SLC8A1: variants seen among roughly 807,000 people sequenced by gnomAD.
The protein encoded by SLC8A1 is solute carrier family 8 member A1.
SLC8A1 carries 18 observed loss-of-function variants against 68.3 expected under a neutral mutation model. The observed-to-expected ratio is 0.26, with a 90% CI of 0.18 to 0.39. The LOEUF (loss-of-function observed/expected upper bound fraction) is 0.39, where lower values mean the gene tolerates loss of function less well. SLC8A1 is among the 10% of genes least tolerant of loss of function. The probability of loss-of-function intolerance (pLI) is 1.00; values close to 1 mark genes in which losing one functional copy is unlikely to be tolerated. For synonymous variants in SLC8A1, 475 were observed against 415.5 expected (o/e 1.14, Z -1.74); for missense variants, 985 against 1,156.7 (o/e 0.85, Z 2.15).
chr2:40,218,152 C>G (rs2057773402), intron 2 of SLC8A1, among the ~76,000 whole-genome samples: 1 of 152,140 alleles, frequency 6.6e-6, no homozygotes. Context: ...AAAGTTTCAG[C>G]TAAGAATGAA....
chr2:40,342,720 A>C (rs1189198455), intron 2 of SLC8A1, among the ~76,000 whole-genome samples: 1 of 152,208 alleles, frequency 6.6e-6, no homozygotes, highest in Non-Finnish European at 1.5e-5. Flanking sequence ...ACGATACTAA[A>C]GTCTCACACA....
At chr2:40,249,046 A>G (rs1461771451) in intron 2 of SLC8A1, among the ~76,000 whole-genome samples, 1 of 152,158 alleles carries the variant, frequency 6.6e-6, no homozygotes, top group Non-Finnish European at 1.5e-5. Context: ...CAGCTTGCCA[A>G]CTGTCCCTGG....
intron 1 of SLC8A1, among the ~76,000 whole-genome samples, chr2:40,505,046 G>C (rs180701290): frequency 6.6e-6 from 1 of 151,906 alleles, no homozygotes; most frequent in East Asian, 1.9e-4. Context: ...CCTAAGATTT[G>C]GAAGCTCCCT....
chr2:40,325,282 C>T (rs762609308), intron 2 of SLC8A1, among the ~76,000 whole-genome samples: 6 of 152,110 alleles, frequency 3.9e-5, no homozygotes, highest in Non-Finnish European at 7.4e-5. Flanking sequence ...AAATACTTGA[C>T]CTTTTGAGGT....
intron 4 of SLC8A1, among the ~76,000 whole-genome samples, chr2:40,173,329 A>G (rs1247164991): frequency 6.6e-6 from 1 of 152,238 alleles, no homozygotes; most frequent in Non-Finnish European, 1.5e-5. Flanking sequence ...GATTTAAAAA[A>G]TAACCTTTAG....
At chr2:40,409,077 C>T (rs780876217) in intron 2 of SLC8A1, among the ~76,000 whole-genome samples, 25 of 152,120 alleles carry the variant, frequency 1.6e-4, no homozygotes, top group Non-Finnish European at 3.1e-4. Context: ...CAAGACAGAC[C>T]TGTAAAGTGC....
At chr2:40,127,648 C>A (rs896696313) in intron 7 of SLC8A1, among the ~76,000 whole-genome samples, 4 of 152,170 alleles carry the variant, frequency 2.6e-5, no homozygotes, top group Non-Finnish European at 4.4e-5. Flanking sequence ...GGAGCTACAG[C>A]AAGCCTTTCT....
intron 2 of SLC8A1, among the ~76,000 whole-genome samples, chr2:40,351,744 T>C (rs1481651163): frequency 6.6e-6 from 1 of 151,916 alleles, no homozygotes; most frequent in Non-Finnish European, 1.5e-5. Context: ...ACAAAGACAG[T>C]AAAGAGCTCT....
chr2:40,278,626 T>C (rs1000069159), intron 2 of SLC8A1, among the ~76,000 whole-genome samples: 1 of 152,160 alleles, frequency 6.6e-6, no homozygotes, highest in Non-Finnish European at 1.5e-5. Context: ...TACCTCAGTG[T>C]GAGAGAGTAA....
At chr2:40,425,469 A>G (rs1424836713) in intron 2 of SLC8A1, among the ~76,000 whole-genome samples, 2 of 151,864 alleles carry the variant, frequency 1.3e-5, no homozygotes, top group Non-Finnish European at 2.9e-5. Context: ...GGGACTTCTT[A>G]AAATTAGCCT....
chr2:40,358,953 C>T (rs1471300967), intron 2 of SLC8A1, among the ~76,000 whole-genome samples: 6 of 151,970 alleles, frequency 3.9e-5, no homozygotes, highest in Admixed American at 6.6e-5. Context: ...GAGAGGAAAA[C>T]GAGAGCTTAC....
At chr2:40,145,326 A>T (rs1208971785) in intron 6 of SLC8A1, among the ~76,000 whole-genome samples, 1 of 152,026 alleles carries the variant, frequency 6.6e-6, no homozygotes, top group Non-Finnish European at 1.5e-5. Flanking sequence ...TCTTATTTCC[A>T]TTTCTGGTTG....
exon 2 of SLC8A1, chr2:40,428,645 C>A: frequency 6.2e-7 from 1 of 1,613,832 alleles, no homozygotes; most frequent in Non-Finnish European, 8.5e-7. Context: ...ACATGAGTCA[C>A]AGGTTCCTCA....
chr2:40,222,250 A>G (rs536201067), intron 2 of SLC8A1, among the ~76,000 whole-genome samples: 44 of 152,208 alleles, frequency 2.9e-4, no homozygotes, highest in Non-Finnish European at 6.2e-4. Context: ...ATCTTTGACA[A>G]ACCTGACCAA....
chr2:40,285,145 A>G (rs2068111349), intron 2 of SLC8A1, among the ~76,000 whole-genome samples: 1 of 152,156 alleles, frequency 6.6e-6, no homozygotes, highest in Admixed American at 6.6e-5. Context: ...TGAATTGGGT[A>G]TTATTGTCCT....
intron 2 of SLC8A1, among the ~76,000 whole-genome samples, chr2:40,194,495 G>A (rs1336586175): frequency 2.0e-5 from 3 of 147,148 alleles, no homozygotes; most frequent in African/African-American, 7.7e-5. Flanking sequence ...GTGTGTGTGT[G>A]TGTGTGTGTG....
chr2:40,102,694 G>A (rs1045529880), exon 8 of SLC8A1: 1 of 152,146 alleles, frequency 6.6e-6, no homozygotes, highest in South Asian at 2.1e-4. Flanking sequence ...CTGATTGACA[G>A]CTCTACCAAG....
At chr2:40,405,414 T>A (rs1404487069) in intron 2 of SLC8A1, among the ~76,000 whole-genome samples, 1 of 152,226 alleles carries the variant, frequency 6.6e-6, no homozygotes, top group Non-Finnish European at 1.5e-5. Flanking sequence ...AATGTTTCCA[T>A]ACCTCAAATA....
chr2:40,151,776 AG>A (rs2043485549), intron 6 of SLC8A1, among the ~76,000 whole-genome samples: 1 of 152,236 alleles, frequency 6.6e-6, no homozygotes, highest in Non-Finnish European at 1.5e-5. Context: ...TAGGGAAAAA[AG>A]CTTCTCTTTA....
Sources: gnomAD v4.1 joint callset for allele counts (sites outside exome capture counted in the v4.1 genomes callset) on GRCh38, gnomAD v4.1.1 for gene constraint, MANE v1.5 for transcripts, NCBI Gene and HGNC (gene_info 2026-07-23, HGNC 2026-07-21) for gene names.